TEAD4: variants seen among roughly 807,000 people sequenced by gnomAD.
TEAD4 encodes the protein transcriptional enhancer factor TEF-3.
A neutral mutation model predicts 52.4 loss-of-function variants in TEAD4; 36 were observed. That is an observed-to-expected ratio of 0.69 (90% CI 0.53 to 0.91). The LOEUF (loss-of-function observed/expected upper bound fraction) is 0.91, where lower values mean the gene tolerates loss of function less well. TEAD4 is among the 40% of genes least tolerant of loss of function. TEAD4 has a pLI of 0.00. For missense variants in TEAD4, 508 were observed against 583.9 expected, an observed-to-expected ratio of 0.87 and a Z score of 1.34; for synonymous variants, 220 against 231.0, an observed-to-expected ratio of 0.95 and a Z score of 0.43.
At chr12:3,024,508 G>A (rs2098270819) in intron 10 of TEAD4, among the ~76,000 whole-genome samples, 1 of 151,992 alleles carries the variant, frequency 6.6e-6, no homozygotes. Flanking sequence ...TATACAAAAA[G>A]TAGCTGGGTG....
chr12:2,962,803 C>T (rs1591549054), intron 2 of TEAD4, among the ~76,000 whole-genome samples: 2 of 152,144 alleles, frequency 1.3e-5, no homozygotes, highest in East Asian at 3.8e-4. Context: ...ACTGATGCTC[C>T]TAGAGGGACA....
chr12:3,020,597 G>A (rs200004672), intron 8 of TEAD4, 37 bp from the exon 9 acceptor site: 57 of 1,496,996 alleles, frequency 3.8e-5, no homozygotes, highest in African/African-American at 5.6e-5. Context: ...GCGGGTGTCC[G>A]TGACCAGGTT....
At chr12:2,985,643 T>C (rs1389954008) in intron 2 of TEAD4, among the ~76,000 whole-genome samples, 2 of 150,252 alleles carry the variant, frequency 1.3e-5, no homozygotes, top group East Asian at 2.1e-4. Flanking sequence ...GTAGCTGGGA[T>C]TATAGGTGCG....
At chr12:2,992,602 G>A (rs1007018390) in intron 2 of TEAD4, among the ~76,000 whole-genome samples, 2 of 152,158 alleles carry the variant, frequency 1.3e-5, no homozygotes, top group African/African-American at 4.8e-5. Flanking sequence ...AGGTGGAAGT[G>A]GTCGAACTCA....
intron 3 of TEAD4, among the ~76,000 whole-genome samples, chr12:3,003,509 C>T (rs1021168994): frequency 1.3e-5 from 2 of 152,052 alleles, no homozygotes; most frequent in African/African-American, 2.4e-5. Context: ...CGGAGGTGGC[C>T]GGCAGGGTGT....
chr12:3,024,482 A>G (rs936339205), intron 10 of TEAD4, among the ~76,000 whole-genome samples: 4 of 152,084 alleles, frequency 2.6e-5, no homozygotes, highest in African/African-American at 9.7e-5. Context: ...CCTGGGCAAC[A>G]TGATGAAACC....
At chr12:2,972,799 A>G (rs2098226382) in intron 2 of TEAD4, among the ~76,000 whole-genome samples, 1 of 152,082 alleles carries the variant, frequency 6.6e-6, no homozygotes, top group African/African-American at 2.4e-5. Context: ...CCGCGCCTGT[A>G]GAAAAACATC....
At chr12:2,977,475 C>T (rs574795677) in intron 2 of TEAD4, among the ~76,000 whole-genome samples, 13 of 152,352 alleles carry the variant, frequency 8.5e-5, no homozygotes, top group Admixed American at 3.9e-4. Context: ...GTTCCCCATC[C>T]TGTCCTGAAG....
intron 2 of TEAD4, among the ~76,000 whole-genome samples, chr12:2,984,105 G>A (rs2098236174): frequency 6.6e-6 from 1 of 152,188 alleles, no homozygotes; most frequent in Non-Finnish European, 1.5e-5. Context: ...ATGTTGGGGG[G>A]TGATTTGGAT....
chr12:3,023,166 C>T (rs960955026), intron 10 of TEAD4, among the ~76,000 whole-genome samples: 2 of 151,992 alleles, frequency 1.3e-5, no homozygotes, highest in African/African-American at 4.8e-5. Flanking sequence ...GCTCTGCCAG[C>T]GGAATGGAAG....
intron 3 of TEAD4, among the ~76,000 whole-genome samples, chr12:3,010,172 C>T (rs939769440): frequency 2.6e-5 from 4 of 152,232 alleles, no homozygotes; most frequent in African/African-American, 4.8e-5. Flanking sequence ...CCCGAACTGG[C>T]CCCCGGTCCT....
rs34430154 is a variant in TEAD4 at position 2,968,083 on chromosome 12, C to CTTTT, written c.-30+8060_-30+8063dup. 7.3e-3 allele frequency among the ~76,000 whole-genome samples: 815 copies of CTTTT among 111,844 alleles called. 9 individuals are homozygous for CTTTT. Among genetic ancestry groups the CTTTT allele is most frequent in the Non-Finnish European group, 0.012 (655 of 56,496 alleles). 73.4% of individuals were successfully genotyped at this position (111,844 alleles called of 152,430 possible). On this transcript the variant is annotated intron_variant, in intron 2 of 12. Transcript: ENST00000359864. ...GTGATCTGATCTCAAACATGTGGGT[C>CTTTT]TTTTTTTTTTTTTTTTTTTTGAGAC...
At chr12:3,014,837 A>G (rs2098263133) in intron 5 of TEAD4, among the ~76,000 whole-genome samples, 1 of 152,118 alleles carries the variant, frequency 6.6e-6, no homozygotes, top group African/African-American at 2.4e-5. Flanking sequence ...GTTTAGATCG[A>G]GTATCCAGGA....
At chr12:3,029,387 G>T (rs1162540769) in intron 10 of TEAD4, among the ~76,000 whole-genome samples, 3 of 151,858 alleles carry the variant, frequency 2.0e-5, no homozygotes, top group African/African-American at 7.3e-5. Flanking sequence ...TCAGGCGCCC[G>T]CCACCACGCC....
intron 10 of TEAD4, among the ~76,000 whole-genome samples, chr12:3,022,711 G>T (rs1294289526): frequency 3.9e-5 from 6 of 152,182 alleles, no homozygotes; most frequent in African/African-American, 1.2e-4. Context: ...GGCCCAGTGT[G>T]TGCAGAAAAG....
intron 2 of TEAD4, among the ~76,000 whole-genome samples, chr12:2,986,987 A>G (rs1005352730): frequency 6.6e-6 from 1 of 152,154 alleles, no homozygotes; most frequent in Non-Finnish European, 1.5e-5. Context: ...CTGCGTTCCT[A>G]GCTTTCTGGT....
rs531330215 is a variant in TEAD4 at position 2,960,026 on chromosome 12, C to G, written c.-44C>G. ...GCTTAGCGCACCCATCCCACCTTCC[C>G]GCACCCTGGGACCGGTAAGGCTGGG... is the stretch of plus-strand genomic sequence containing the variant. On this transcript the variant is annotated 5_prime_UTR_variant, in exon 2 of 13. Coordinates refer to ENST00000359864, the MANE Select transcript of TEAD4 (RefSeq NM_003213.4). 6.6e-6 allele frequency: 1 copy of G among 152,548 alleles called. No homozygotes were observed. The highest frequency in any genetic ancestry group is 6.5e-5 in the Admixed American group (1 of 15,306). The allele number at this position is 152,548 out of a possible 1,614,324, so 9.4% of individuals were successfully genotyped here.
chr12:3,033,716 C>T (rs1023505071), intron 10 of TEAD4, among the ~76,000 whole-genome samples: 1 of 152,236 alleles, frequency 6.6e-6, no homozygotes, highest in Non-Finnish European at 1.5e-5. Flanking sequence ...GCTGCCCACC[C>T]GCACGCACAG....
intron 2 of TEAD4, among the ~76,000 whole-genome samples, chr12:2,968,831 G>A (rs2098222747): frequency 6.6e-6 from 1 of 151,798 alleles, no homozygotes; most frequent in Non-Finnish European, 1.5e-5. Flanking sequence ...AAAACTTTTT[G>A]TAGAAACAAG....
Sources: gnomAD v4.1 joint callset for allele counts (sites outside exome capture counted in the v4.1 genomes callset) on GRCh38, gnomAD v4.1.1 for gene constraint, MANE v1.5 for transcripts, NCBI Gene and HGNC (gene_info 2026-07-23, HGNC 2026-07-21) for gene names.